KIAA2012: variants seen among roughly 807,000 people sequenced by gnomAD.
KIAA2012 encodes the protein uncharacterized protein KIAA2012.
KIAA2012 carries 125 observed loss-of-function variants against 150.6 expected under a neutral mutation model. The observed-to-expected ratio is 0.83, with a 90% CI of 0.72 to 0.96. The LOEUF is 0.96. Ranked by LOEUF, KIAA2012 falls within the 40% of genes least tolerant of loss-of-function variation. The pLI is 0.00. For synonymous variants in KIAA2012, 462 were observed against 504.7 expected, an observed-to-expected ratio of 0.92 and a Z score of 1.13; for missense variants, 1,219 against 1,354.9, an observed-to-expected ratio of 0.90 and a Z score of 1.57.
chr2:202,168,633 T>C (rs1691823568), intron 15 of KIAA2012, among the ~76,000 whole-genome samples: 1 of 152,272 alleles, frequency 6.6e-6, no homozygotes, highest in South Asian at 2.1e-4. Flanking sequence ...GGGATGCATG[T>C]AGTCCTCTGC....
At chr2:202,180,572 C>G (rs1400825204) in intron 15 of KIAA2012, among the ~76,000 whole-genome samples, 1 of 152,178 alleles carries the variant, frequency 6.6e-6, no homozygotes, top group Non-Finnish European at 1.5e-5. Context: ...CACCTGTAAT[C>G]CCAATACTTT....
intron 4 of KIAA2012, 95 bp downstream of exon 4, chr2:202,093,280 G>T: frequency 7.6e-7 from 1 of 1,308,988 alleles, no homozygotes; most frequent in Non-Finnish European, 1.1e-6. Flanking sequence ...AAGGTCTTGA[G>T]ATTCTGGGTT....
chr2:202,086,167 C>CAAAAAAAAAAAAAAAAAAAAAAA (rs56207993), intron 2 of KIAA2012, among the ~76,000 whole-genome samples: 2 of 90,142 alleles, frequency 2.2e-5, no homozygotes, highest in African/African-American at 4.4e-5. Flanking sequence ...AACTCTGTCT[C>CAAAAAAAAAAAAAAAAAAAAAAA]AAAAAAAAAA....
At chr2:202,127,681 C>T (rs1690829645) in intron 12 of KIAA2012, among the ~76,000 whole-genome samples, 1 of 152,188 alleles carries the variant, frequency 6.6e-6, no homozygotes, top group Non-Finnish European at 1.5e-5. Context: ...ATCCTTCTCG[C>T]CTCTATTCCT....
chr2:202,125,259 C>T lies in KIAA2012; in HGVS notation c.1808C>T (p.Pro603Leu). 6.5e-7 allele frequency: 1 copy of T among 1,550,266 alleles called. No individual in the cohort carries two copies. The highest frequency in any genetic ancestry group is 1.2e-5 in the South Asian group (1 of 84,036). ...AATATCAGCCATGAAGAGGAAGGGC[C>T]TAGTAGTCAGCATTTCCTAAAAGGT... ...NSNISHEEEGPSSQHFLKANT... is the reference protein window; with the variant it reads ...NSNISHEEEGLSSQHFLKANT... Residue 603 changes from proline (P) to leucine (L), a missense_variant, in exon 12 of 24, where the codon CCT (proline) becomes CTT (leucine). Physicochemically the swap from Pro to Leu is moderately conservative, Grantham distance 98 (BLOSUM62 -3). Transcript: ENST00000498697.
At chr2:202,169,499 G>A (rs1252950549) in intron 15 of KIAA2012, among the ~76,000 whole-genome samples, 43 of 152,210 alleles carry the variant, frequency 2.8e-4, no homozygotes, top group Admixed American at 2.7e-3. Context: ...TGATGGGGAA[G>A]GAGGACACTG....
At chr2:202,141,207 C>G (rs4675266) in intron 13 of KIAA2012, among the ~76,000 whole-genome samples, 105,464 of 151,686 alleles carry the variant, frequency 0.7, 37,597 homozygotes, top group African/African-American at 0.86. Flanking sequence ...GGAGCAGAAA[C>G]GGTTAGGCTC....
At chr2:202,115,496 A>C (rs1235271706) in intron 11 of KIAA2012, 1 of 152,072 alleles carries the variant, frequency 6.6e-6, no homozygotes, top group Non-Finnish European at 1.5e-5. Flanking sequence ...TAATAAATCC[A>C]CCTCATTGCA....
intron 13 of KIAA2012, among the ~76,000 whole-genome samples, chr2:202,139,648 G>C (rs1691158162): frequency 6.6e-6 from 1 of 152,186 alleles, no homozygotes; most frequent in South Asian, 2.1e-4. Context: ...CCTAGGCCTG[G>C]GTCAGGCCTC....
intron 1 of KIAA2012, 103 bp downstream of exon 1, chr2:202,073,814 A>G (rs1689260716): frequency 2.0e-6 from 2 of 986,654 alleles, no homozygotes; most frequent in Admixed American, 4.6e-5. Context: ...TTGTGTTGTT[A>G]GTGAGGTGGC....
At chr2:202,095,344 G>A (rs1374467444) in intron 4 of KIAA2012, among the ~76,000 whole-genome samples, 1 of 152,186 alleles carries the variant, frequency 6.6e-6, no homozygotes, top group Non-Finnish European at 1.5e-5. Flanking sequence ...AAAAGTCCCA[G>A]CTGCAAATCC....
chr2:202,073,799 T>A, intron 1 of KIAA2012, 88 bp downstream of exon 1: 1 of 1,159,446 alleles, frequency 8.6e-7, no homozygotes, highest in South Asian at 1.4e-5. Context: ...CATGTGTGTC[T>A]TGGTTTGTGT....
chr2:202,138,442 A>G lies in KIAA2012; in HGVS notation c.1842A>G (p.Glu614=). ...SSQHFLKANT[E]PRANLHMNLY... ...TGATTTTCACTACAGCAAACACTGAACCTAGAGCCAATCTTCACATGAACC... is the reference window on the plus strand; with the variant it reads ...TGATTTTCACTACAGCAAACACTGAGCCTAGAGCCAATCTTCACATGAACC... Residue 614 remains glutamate, a synonymous_variant, in exon 13 of 24, where the codon GAA becomes GAG. Coordinates refer to ENST00000498697, the MANE Select transcript of KIAA2012 (RefSeq NM_001277372.4). 1 of 1,550,652 alleles carries G rather than the reference A, an allele frequency of 6.4e-7. No individual in the cohort carries two copies. Among genetic ancestry groups the G allele is most frequent in the African/African-American group, 1.4e-5 (1 of 73,156 alleles).
intron 15 of KIAA2012, among the ~76,000 whole-genome samples, chr2:202,176,196 G>C (rs181371138): frequency 6.7e-6 from 1 of 148,206 alleles, no homozygotes; most frequent in East Asian, 2.0e-4. Context: ...GAAAATTATT[G>C]ATAAATCTTT....
At chr2:202,203,393 T>C (rs1326150912) in intron 23 of KIAA2012, among the ~76,000 whole-genome samples, 1 of 152,192 alleles carries the variant, frequency 6.6e-6, no homozygotes, top group Non-Finnish European at 1.5e-5. Flanking sequence ...ACAATGCATA[T>C]CTGCAACCAC....
chr2:202,099,440 A>G (rs1266281727), intron 5 of KIAA2012, among the ~76,000 whole-genome samples, 173 bp from the exon 6 acceptor site: 1 of 152,156 alleles, frequency 6.6e-6, no homozygotes, highest in Non-Finnish European at 1.5e-5. Context: ...AAAATGTTTT[A>G]TTGTAATAAA....
At chr2:202,085,157 T>C (rs1689532695) in intron 2 of KIAA2012, among the ~76,000 whole-genome samples, 1 of 152,168 alleles carries the variant, frequency 6.6e-6, no homozygotes, top group African/African-American at 2.4e-5. Context: ...ACCAACTTCA[T>C]GGGCATAATT....
intron 14 of KIAA2012, 31 bp downstream of exon 14, chr2:202,154,841 T>C (rs1272756653): frequency 6.5e-7 from 1 of 1,530,938 alleles, no homozygotes; most frequent in Admixed American, 2.2e-5. Context: ...CGAGGGGTTT[T>C]ATAGACACAA....
Position 202,073,557 on chromosome 2 carries a change from G to T in KIAA2012, c.-71G>T, listed in dbSNP as rs1273803483. On this transcript the variant is annotated 5_prime_UTR_variant, in exon 1 of 24. Coordinates refer to ENST00000498697, the MANE Select transcript of KIAA2012 (RefSeq NM_001277372.4). ...GCTTGCTGTGAGCTCTGGAAATCTT[G>T]AGGTGTGACCAGATTTCAGCCTTCA... 1.5e-5 allele frequency: 20 copies of T among 1,343,722 alleles called. No homozygotes were observed. Among genetic ancestry groups the T allele is most frequent in the Non-Finnish European group, 2.1e-5 (20 of 966,298 alleles). 83.2% of individuals were successfully genotyped at this position (1,343,722 alleles called of 1,614,324 possible). A position where few individuals can be genotyped will look rare whatever the true frequency, so the allele number is the denominator to read the frequency against.
Sources: gnomAD v4.1 joint callset for allele counts (sites outside exome capture counted in the v4.1 genomes callset) on GRCh38, gnomAD v4.1.1 for gene constraint, MANE v1.5 for transcripts, NCBI Gene and HGNC (gene_info 2026-07-23, HGNC 2026-07-21) for gene names.